Variants in NOP9 observed in about 807,000 individuals in gnomAD.
NOP9 encodes the protein NOP9 nucleolar protein.
Under a neutral mutation model 63.0 loss-of-function variants are expected in NOP9, and 50 were observed. The ratio of observed to expected loss-of-function variants is 0.79; its 90% CI spans 0.63 to 1.00. The LOEUF (loss-of-function observed/expected upper bound fraction) is 1.00. Among genes scored for constraint, NOP9 ranks in the 50% least tolerant of loss-of-function variants. The pLI, the probability that NOP9 is intolerant of heterozygous loss-of-function variation, is 0.00. For synonymous variants in NOP9, 343 were observed against 332.8 expected (o/e 1.03, Z -0.33); for missense variants, 758 against 803.0 (o/e 0.94, Z 0.68).
At chr14:24,287,244 T>C in the NOP9 span, among the ~76,000 whole-genome samples, 3 of 152,198 alleles carry the variant, frequency 2.0e-5, no homozygotes, top group African/African-American at 7.2e-5. Context: ...AGGACTGCCT[T>C]TGGCCTCCTG....
the NOP9 span, chr14:24,290,616 T>C: frequency 2.2e-6 from 1 of 463,704 alleles, no homozygotes; most frequent in Admixed American, 3.8e-5. Context: ...GAAATGAGAC[T>C]TTTATTAGCT....
Position 24,305,159 on chromosome 14 carries a change from T to C in NOP9, c.*64T>C. ...AAAATGGGGTATCCACCCCATCCCT[T>C]TCCTGGTTTAAATTGGAGTCAGAAG... is the stretch of plus-strand genomic sequence containing the variant. On this transcript the variant is annotated 3_prime_UTR_variant, in exon 10 of 10. Transcript: ENST00000267425. 1 of 1,344,874 alleles carries C rather than the reference T, an allele frequency of 7.4e-7. No homozygotes were observed. The allele number at this position is 1,344,874 out of a possible 1,614,324, so 83.3% of individuals were successfully genotyped here.
At chr14:24,296,779 G>A (rs374022789), upstream of NOP9, 6 of 1,614,170 alleles carry the variant, frequency 3.7e-6, no homozygotes, top group East Asian at 2.2e-5. Flanking sequence ...ACATCTAGAC[G>A]CCCTTGCTGT....
At chr14:24,295,593 A>T (rs1382326150), upstream of NOP9, among the ~76,000 whole-genome samples, 1 of 152,220 alleles carries the variant, frequency 6.6e-6, no homozygotes, top group Non-Finnish European at 1.5e-5. Flanking sequence ...TCTCTGCTTC[A>T]GGGTCAAAAC....
Position 24,306,080 on chromosome 14 carries a change from C to A in NOP9, c.*985C>A, listed in dbSNP as rs147369401. Reference sequence around the variant, plus strand: ...TTGTACACGTCAAAGGTGAATCGGGCGATGTCCTTGCTGTGCTTGGGCCTC... The same window carrying A: ...TTGTACACGTCAAAGGTGAATCGGGAGATGTCCTTGCTGTGCTTGGGCCTC... On this transcript the variant is annotated 3_prime_UTR_variant, in exon 10 of 10. Coordinates refer to ENST00000267425, the MANE Select transcript of NOP9 (RefSeq NM_174913.3). 2 of 1,614,096 alleles carry A rather than the reference C, an allele frequency of 1.2e-6. No individual in the cohort carries two copies. The highest frequency in any genetic ancestry group is 1.7e-6 in the Non-Finnish European group (2 of 1,180,002).
the NOP9 span, among the ~76,000 whole-genome samples, chr14:24,289,663 C>T: frequency 6.6e-6 from 1 of 152,218 alleles, no homozygotes; most frequent in South Asian, 2.1e-4. Context: ...ATACCAGTCA[C>T]GTACTGATAA....
At position 24,306,305 on chromosome 14, in the gene NOP9, G is replaced by T; in HGVS notation, c.*1210G>T. The T allele has an allele frequency of 6.3e-7, 1 of 1,599,328 alleles. No homozygotes were observed. Among genetic ancestry groups the T allele is most frequent in the Non-Finnish European group, 8.6e-7 (1 of 1,168,030 alleles). ...ACCTGGTCCCCAGGATCAGGGTTAAGCTAGAGAGGAAGCCCGGGAAAGCTC... is the reference window on the plus strand; with the variant it reads ...ACCTGGTCCCCAGGATCAGGGTTAATCTAGAGAGGAAGCCCGGGAAAGCTC... On this transcript the variant is annotated 3_prime_UTR_variant, in exon 10 of 10. Transcript: ENST00000267425.
the NOP9 span, chr14:24,292,729 C>T: frequency 1.9e-6 from 3 of 1,614,148 alleles, no homozygotes; most frequent in Non-Finnish European, 2.5e-6. Flanking sequence ...ACGATGAGCC[C>T]CTGGCCAGCT....
the NOP9 span, among the ~76,000 whole-genome samples, chr14:24,275,217 C>T: frequency 1.2e-4 from 19 of 152,116 alleles, no homozygotes; most frequent in African/African-American, 4.6e-4. Flanking sequence ...CTGAAAGCCA[C>T]AATCTAAATG....
At chr14:24,274,906 CTTT>C in the NOP9 span, among the ~76,000 whole-genome samples, 9 of 83,696 alleles carry the variant, frequency 1.1e-4, no homozygotes, top group African/African-American at 3.3e-4. Flanking sequence ...CCATGTCCGG[CTTT>C]TTTTTTTTTT....
chr14:24,272,195 A>G, the NOP9 span, among the ~76,000 whole-genome samples: 1 of 152,220 alleles, frequency 6.6e-6, no homozygotes, highest in Non-Finnish European at 1.5e-5. Context: ...ATCCACACTC[A>G]TTGTTTTAAT....
chr14:24,302,467 G>T (rs966746260), intron 5 of NOP9, 43 bp downstream of exon 5: 20 of 1,555,908 alleles, frequency 1.3e-5, no homozygotes, highest in African/African-American at 1.4e-5. Flanking sequence ...GCTAATTCTT[G>T]ATCACTGGAC....
At chr14:24,289,323 C>A in the NOP9 span, among the ~76,000 whole-genome samples, 54,028 of 151,832 alleles carry the variant, frequency 0.36, 10,786 homozygotes, top group East Asian at 0.71. Context: ...GATGGGGTCT[C>A]CCTATGTTGC....
intron 2 of NOP9, among the ~76,000 whole-genome samples, chr14:24,301,371 G>A (rs1746187395): frequency 6.6e-6 from 1 of 152,194 alleles, no homozygotes; most frequent in African/African-American, 2.4e-5. Flanking sequence ...TTTTGGAATG[G>A]CTTGAATACC....
rs771759114 is a variant in NOP9 at position 24,306,518 on chromosome 14, C to T, written c.*1423C>T. 8.1e-6 allele frequency: 13 copies of T among 1,614,258 alleles called. No homozygotes were observed. Among genetic ancestry groups the T allele is most frequent in the South Asian group, 2.2e-5 (2 of 91,088 alleles). The stretch of plus-strand genomic sequence containing the variant: ...GCACTCCATTCAGCAGTAGGGTCTC[C>T]AATGCCTGCCCAATGGCAAGAAGCA... On this transcript the variant is annotated 3_prime_UTR_variant, in exon 10 of 10. Transcript: ENST00000267425.
rs2041442089 is a variant in NOP9 at position 24,304,511 on chromosome 14, G to A, written c.1666G>A (p.Ala556Thr). Residue 556 changes from alanine to threonine, a missense_variant, in exon 9 of 10, where the codon GCC (alanine) becomes ACC (threonine). By Grantham distance (58) the Ala-to-Thr change is moderately conservative. Transcript: ENST00000267425. ...CATACAGGGACAATATGTGGCTCTG[G>A]CCTGTAGTCGCCATGGCAGCCGTGT... ...QNLKGQYVAL[A>T]CSRHGSRVLD... is the part of the protein sequence containing the mutation. 6.2e-7 allele frequency: 1 copy of A among 1,612,308 alleles called. No homozygotes were observed.
the NOP9 span, among the ~76,000 whole-genome samples, chr14:24,286,585 A>T: frequency 1.3e-5 from 2 of 151,106 alleles, no homozygotes; most frequent in Admixed American, 1.3e-4. Context: ...TTTTATTTTT[A>T]TTTTATTTAT....
At chr14:24,276,763 G>A in the NOP9 span, among the ~76,000 whole-genome samples, 2 of 152,172 alleles carry the variant, frequency 1.3e-5, no homozygotes, top group Non-Finnish European at 1.5e-5. Flanking sequence ...TGATTGTAAC[G>A]GTTTACATTT....
Position 24,305,083 on chromosome 14 carries a change from A to C in NOP9, c.1899A>C (p.Ile633=). 2 of 1,535,978 alleles carry C rather than the reference A, an allele frequency of 1.3e-6. No individual in the cohort carries two copies. Among genetic ancestry groups the C allele is most frequent in the Non-Finnish European group, 1.8e-6 (2 of 1,138,458 alleles). Residue 633 remains isoleucine, a synonymous_variant, in exon 10 of 10, where the codon ATA becomes ATC. Coordinates refer to ENST00000267425, the MANE Select transcript of NOP9 (RefSeq NM_174913.3). ...AGCGGAGGCGGGCATTGAACTCCAT[A>C]CTTGAAGACTGAGGCTTTGGATCTG... ...VAKRRRALNS[I]LED
Sources: gnomAD v4.1 joint callset for allele counts (sites outside exome capture counted in the v4.1 genomes callset) on GRCh38, gnomAD v4.1.1 for gene constraint, MANE v1.5 for transcripts, NCBI Gene and HGNC (gene_info 2026-07-23, HGNC 2026-07-21) for gene names.